Variants in ANO6 observed in about 807,000 individuals in gnomAD.
The protein encoded by ANO6 is anoctamin 6.
ANO6 carries 106 observed loss-of-function variants against 117.5 expected under a neutral mutation model. The observed-to-expected ratio is 0.90, with a 90% CI of 0.77 to 1.06. The LOEUF (loss-of-function observed/expected upper bound fraction) is 1.06, where lower values mean the gene tolerates loss of function less well. Among genes scored for constraint, ANO6 ranks in the 50% least tolerant of loss-of-function variants. ANO6 has a pLI of 0.00. For synonymous variants in ANO6, 367 were observed against 385.1 expected (o/e 0.95, Z 0.55); for missense variants, 955 against 1,121.1 (o/e 0.85, Z 2.12).
At chr12:45,222,519 A>T (rs1369298381) in intron 1 of ANO6, among the ~76,000 whole-genome samples, 1 of 152,024 alleles carries the variant, frequency 6.6e-6, no homozygotes, top group Admixed American at 6.6e-5. Flanking sequence ...GTTCCCTGTG[A>T]TATTATGACA....
At chr12:45,333,667 T>C (rs1392235720) in intron 3 of ANO6, among the ~76,000 whole-genome samples, 1 of 152,084 alleles carries the variant, frequency 6.6e-6, no homozygotes, top group African/African-American at 2.4e-5. Context: ...TTTTATAAGC[T>C]GTGCTTTGAA....
chr12:45,298,677 A>C (rs542362971), intron 1 of ANO6, among the ~76,000 whole-genome samples: 5 of 152,204 alleles, frequency 3.3e-5, no homozygotes, highest in Admixed American at 6.5e-5. Context: ...GACATTAACC[A>C]GTGAATCTAT....
At chr12:45,300,726 T>C (rs1220193399) in intron 1 of ANO6, among the ~76,000 whole-genome samples, 1 of 152,148 alleles carries the variant, frequency 6.6e-6, no homozygotes, top group Non-Finnish European at 1.5e-5. Flanking sequence ...ATCTTTAAGC[T>C]TACTTAAATA....
At chr12:45,330,383 A>G (rs546427401) in intron 2 of ANO6, among the ~76,000 whole-genome samples, 2 of 152,290 alleles carry the variant, frequency 1.3e-5, no homozygotes, top group East Asian at 3.9e-4. Flanking sequence ...AGTTATACAA[A>G]TGATTGCAAA....
At chr12:45,220,099 A>G (rs1424312292) in intron 1 of ANO6, among the ~76,000 whole-genome samples, 1 of 152,096 alleles carries the variant, frequency 6.6e-6, no homozygotes, top group African/African-American at 2.4e-5. Context: ...TGCAGAAATC[A>G]GATTAGTATG....
intron 2 of ANO6, among the ~76,000 whole-genome samples, chr12:45,323,948 T>G (rs1940373217): frequency 6.7e-6 from 1 of 148,918 alleles, no homozygotes. Context: ...TTTTTTTTTT[T>G]TTTTTTGAGA....
intron 6 of ANO6, among the ~76,000 whole-genome samples, chr12:45,349,515 T>C (rs1356092795): frequency 6.6e-6 from 1 of 152,248 alleles, no homozygotes; most frequent in Non-Finnish European, 1.5e-5. Flanking sequence ...AATTAAATAC[T>C]ATATTATATT....
At chr12:45,359,786 A>T (rs771531499) in intron 8 of ANO6, among the ~76,000 whole-genome samples, 1 of 152,240 alleles carries the variant, frequency 6.6e-6, no homozygotes, top group Non-Finnish European at 1.5e-5. Flanking sequence ...ATGGTTTCAC[A>T]TCTCTTGAGA....
chr12:45,398,106 C>G (rs959152851), intron 12 of ANO6, among the ~76,000 whole-genome samples: 2 of 152,050 alleles, frequency 1.3e-5, no homozygotes, highest in African/African-American at 4.8e-5. Context: ...TCAAAAGTAT[C>G]CTAAATGTAA....
intron 15 of ANO6, among the ~76,000 whole-genome samples, chr12:45,407,447 G>A (rs73281574): frequency 2.3e-4 from 33 of 143,608 alleles, no homozygotes; most frequent in African/African-American, 8.2e-4. Flanking sequence ...CATGAAGGGT[G>A]ATGGACATGT....
At chr12:45,218,946 G>T (rs960637102) in intron 1 of ANO6, among the ~76,000 whole-genome samples, 1 of 152,102 alleles carries the variant, frequency 6.6e-6, no homozygotes, top group South Asian at 2.1e-4. Context: ...CAGACTGGGA[G>T]AATTATTTTT....
intron 8 of ANO6, among the ~76,000 whole-genome samples, chr12:45,365,591 T>C (rs996976830): frequency 1.3e-5 from 2 of 152,164 alleles, no homozygotes; most frequent in Admixed American, 1.3e-4. Flanking sequence ...AAGACTTCTC[T>C]GAGGATGGGG....
rs571402503 is a variant in ANO6 at position 45,235,732 on chromosome 12, G to A, written c.70+19341G>A. On this transcript the variant is annotated intron_variant, in intron 1 of 19. Transcript: ENST00000320560. ...AAAAGTCCCCTAGTCAAAAATTCCA[G>A]TATTTGGAAGTGTACCAGGAGTCCA... Among the ~76,000 whole-genome samples the A allele has an allele frequency of 2.6e-5, 4 of 152,256 alleles. No homozygotes were observed. The South Asian group carries it at 8.3e-4, about 32-fold the overall frequency.
chr12:45,312,912 T>G (rs1193925925), intron 2 of ANO6, among the ~76,000 whole-genome samples: 1 of 152,076 alleles, frequency 6.6e-6, no homozygotes, highest in Non-Finnish European at 1.5e-5. Context: ...TAAAATTTGA[T>G]TGCAAATTTG....
At chr12:45,297,121 C>T (rs1939320221) in intron 1 of ANO6, among the ~76,000 whole-genome samples, 1 of 152,114 alleles carries the variant, frequency 6.6e-6, no homozygotes, top group South Asian at 2.1e-4. Context: ...CAGTCAGTCC[C>T]CTCAGTCTAT....
chr12:45,312,217 C>T (rs1192256670), intron 2 of ANO6, among the ~76,000 whole-genome samples: 1 of 151,990 alleles, frequency 6.6e-6, no homozygotes, highest in East Asian at 1.9e-4. Context: ...CCATGGAACT[C>T]ATTTGATTAT....
At chr12:45,379,862 C>A (rs1942124733) in intron 10 of ANO6, among the ~76,000 whole-genome samples, 1 of 152,194 alleles carries the variant, frequency 6.6e-6, no homozygotes, top group Non-Finnish European at 1.5e-5. Flanking sequence ...CTGCCTATAG[C>A]ATCGTATGTA....
At chr12:45,269,381 C>T (rs1938321128) in intron 1 of ANO6, among the ~76,000 whole-genome samples, 1 of 152,192 alleles carries the variant, frequency 6.6e-6, no homozygotes, top group Non-Finnish European at 1.5e-5. Context: ...CCTTACTTCC[C>T]TGCAGAATCC....
chr12:45,330,144 G>GA (rs1489109763), intron 2 of ANO6, among the ~76,000 whole-genome samples: 3 of 152,146 alleles, frequency 2.0e-5, no homozygotes, highest in Admixed American at 6.6e-5. Flanking sequence ...TTCTGCTGGT[G>GA]AAAAAACCTG....
Sources: allele counts gnomAD v4.1 joint callset (sites outside exome capture counted in the v4.1 genomes callset), GRCh38; gene constraint gnomAD v4.1.1; transcripts MANE v1.5; gene names NCBI Gene and HGNC (gene_info 2026-07-23, HGNC 2026-07-21).